Variants in TMEM161B observed in about 807,000 individuals in gnomAD.
TMEM161B encodes the protein transmembrane protein 161B.
TMEM161B carries 34 observed loss-of-function variants against 61.8 expected under a neutral mutation model. The ratio of observed to expected loss-of-function variants is 0.55; its 90% CI spans 0.42 to 0.73. The LOEUF is 0.73. Ranked by LOEUF, TMEM161B falls within the 30% of genes least tolerant of loss-of-function variation. TMEM161B has a pLI of 0.00. For missense variants in TMEM161B, 456 were observed against 558.5 expected, an observed-to-expected ratio of 0.82 and a Z score of 1.85; for synonymous variants, 167 against 192.8, an observed-to-expected ratio of 0.87 and a Z score of 1.11.
At chr5:88,215,979 A>T (rs1747748115) in intron 5 of TMEM161B, among the ~76,000 whole-genome samples, 1 of 152,250 alleles carries the variant, frequency 6.6e-6, no homozygotes, top group Non-Finnish European at 1.5e-5. Context: ...CAATACTGGC[A>T]GGGCACAAAG....
At chr5:88,249,226 A>G (rs1020025199) in intron 1 of TMEM161B, among the ~76,000 whole-genome samples, 1 of 152,110 alleles carries the variant, frequency 6.6e-6, no homozygotes, top group Non-Finnish European at 1.5e-5. Flanking sequence ...AAGAGGCAAA[A>G]TGTCTCATAA....
chr5:88,206,507 G>GT lies in TMEM161B; in HGVS notation c.599-9_599-8insA. On this transcript the variant is annotated splice_polypyrimidine_tract_variant and intron_variant, in intron 6 of 11. Transcript: ENST00000296595. ...CTGAAAAATTTGTAAACCCTGTGGG[G>GT]GAAAAAAAAAAAAACAACAGATTAC... 2.4e-6 allele frequency: 3 copies of GT among 1,246,590 alleles called. No homozygotes were observed. The highest frequency in any genetic ancestry group is 3.3e-6 in the Non-Finnish European group (3 of 921,288). 77.2% of individuals were successfully genotyped at this position (1,246,590 alleles called of 1,614,324 possible). A position where few individuals can be genotyped will look rare whatever the true frequency, so the allele number is the denominator to read the frequency against.
At chr5:88,225,692 T>C in intron 4 of TMEM161B, 77 bp downstream of exon 4, 1 of 888,118 alleles carries the variant, frequency 1.1e-6, no homozygotes, top group South Asian at 1.5e-5. Flanking sequence ...ATGGACTTAA[T>C]GATTAAAATG....
At position 88,228,544 on chromosome 5, in the gene TMEM161B, A is replaced by G. The variant is rs1750444486; in HGVS notation, c.108-16T>C. The G allele has an allele frequency of 6.5e-7, 1 of 1,545,576 alleles. No homozygotes were observed. The highest frequency in any genetic ancestry group is 2.0e-5 in the Admixed American group (1 of 50,966). On this transcript the variant is annotated splice_polypyrimidine_tract_variant and intron_variant, in intron 2 of 11. Coordinates refer to ENST00000296595, the MANE Select transcript of TMEM161B (RefSeq NM_153354.5). ...CCACCTCAAACTAAGCAAAAAAAGA[A>G]TTCTTTTAAATAAAGCGCTTAAAAT...
At chr5:88,198,599 G>A (rs906259047) in intron 10 of TMEM161B, 1 of 156,930 alleles carries the variant, frequency 6.4e-6, no homozygotes, top group Admixed American at 6.5e-5. Flanking sequence ...CAAGTAAATT[G>A]AGTAATATTA....
chr5:88,192,202 C>T (rs1343276995), downstream of TMEM161B, among the ~76,000 whole-genome samples: 1 of 150,436 alleles, frequency 6.6e-6, no homozygotes, highest in African/African-American at 2.4e-5. Flanking sequence ...GGAGAAAGAA[C>T]AGTAACCACA....
At chr5:88,225,095 G>T (rs112545684) in intron 4 of TMEM161B, among the ~76,000 whole-genome samples, 8 of 151,146 alleles carry the variant, frequency 5.3e-5, no homozygotes, top group African/African-American at 1.7e-4. Flanking sequence ...AGCTCCCTGA[G>T]TAGCTGGGAC....
chr5:88,189,733 A>G lies in TMEM161B; in HGVS notation c.*319T>C, dbSNP rs375316082. On this transcript the variant is annotated 3_prime_UTR_variant, in exon 13 of 13. Transcript: ENST00000514135. ...TGGGGAGTGCCTGGAAGTCCCCACA[A>G]TATGGGAGGGGGCCTATGATATAGT... 6.5e-5 allele frequency: 14 copies of G among 214,638 alleles called. No homozygotes were observed. The East Asian group carries it at 9.4e-4, about 14-fold the overall frequency. 13.3% of individuals were successfully genotyped at this position (214,638 alleles called of 1,614,324 possible).
intron 5 of TMEM161B, among the ~76,000 whole-genome samples, chr5:88,212,500 A>G (rs1364431611): frequency 6.6e-6 from 1 of 152,226 alleles, no homozygotes; most frequent in African/African-American, 2.4e-5. Context: ...CAGATTTAGA[A>G]TAACAACTTA....
intron 1 of TMEM161B, among the ~76,000 whole-genome samples, chr5:88,259,821 T>C (rs999232724): frequency 6.6e-6 from 1 of 152,224 alleles, no homozygotes; most frequent in Non-Finnish European, 1.5e-5. Context: ...AATTATGATT[T>C]CTATAGGAAA....
At chr5:88,257,227 C>A (rs1480539639) in intron 1 of TMEM161B, among the ~76,000 whole-genome samples, 1 of 152,120 alleles carries the variant, frequency 6.6e-6, no homozygotes, top group Non-Finnish European at 1.5e-5. Context: ...GATCACACCA[C>A]TCACTGCTCT....
chr5:88,201,835 A>G (rs561693127), intron 9 of TMEM161B: 65 of 162,290 alleles, frequency 4.0e-4, no homozygotes, highest in African/African-American at 1.2e-3. Context: ...TTCAGTGGCT[A>G]TTTCCTGGGT....
downstream of TMEM161B, among the ~76,000 whole-genome samples, chr5:88,191,567 A>G: frequency 6.6e-6 from 1 of 152,226 alleles, no homozygotes; most frequent in East Asian, 1.9e-4. Context: ...AAATAACAAT[A>G]AATGAATGCC....
chr5:88,196,222 T>C lies in TMEM161B; in HGVS notation c.1453A>G (p.Thr485Ala), dbSNP rs754841963. The change falls in exon 12 of 12, where the codon ACT becomes GCT. Residue 485 changes from threonine (T) to alanine (A), a missense_variant. Around this residue, in one of 3 missense-constraint regions of TMEM161B, gnomAD observed 367 missense variants for 427.3 expected, o/e 0.86. Transcript: ENST00000296595. ...TTGTTAACTGAGATTCATGCCACAG[T>C]CAGATACTGGTGATAGAAAAGCCCA... Reference protein sequence around the residue: ...LFGLFYHQYLTVA With the variant: ...LFGLFYHQYLAVA 1 of 1,610,378 alleles carries C rather than the reference T, an allele frequency of 6.2e-7. No individual in the cohort carries two copies. Among genetic ancestry groups the C allele is most frequent in the East Asian group, 2.2e-5 (1 of 44,802 alleles).
chr5:88,240,272 T>C (rs1041164528), intron 2 of TMEM161B, among the ~76,000 whole-genome samples: 22 of 151,914 alleles, frequency 1.4e-4, no homozygotes, highest in African/African-American at 5.3e-4. Context: ...AATATCTGTA[T>C]TATAATAAAT....
At chr5:88,216,363 T>C (rs972300235) in intron 5 of TMEM161B, among the ~76,000 whole-genome samples, 3 of 152,242 alleles carry the variant, frequency 2.0e-5, no homozygotes, top group Non-Finnish European at 4.4e-5. Context: ...ATATTTTTGA[T>C]GTGTTTTATA....
At chr5:88,257,365 T>C (rs1225640176) in intron 1 of TMEM161B, among the ~76,000 whole-genome samples, 1 of 152,182 alleles carries the variant, frequency 6.6e-6, no homozygotes, top group African/African-American at 2.4e-5. Context: ...AAAGCTTCAT[T>C]AAATAAATTT....
intron 5 of TMEM161B, among the ~76,000 whole-genome samples, chr5:88,219,120 T>C (rs1202332143): frequency 1.3e-5 from 2 of 152,152 alleles, no homozygotes; most frequent in Non-Finnish European, 2.9e-5. Flanking sequence ...CAAGATGAAA[T>C]TGACATATTA....
chr5:88,198,041 G>C, intron 10 of TMEM161B: 1 of 236,342 alleles, frequency 4.2e-6, no homozygotes, highest in East Asian at 8.6e-5. Context: ...TAATGACTAA[G>C]ATTCAAATGG....
Sources: gnomAD v4.1 joint callset for allele counts (sites outside exome capture counted in the v4.1 genomes callset) on GRCh38, gnomAD v4.1.1 for gene constraint, gnomAD v4.1.1 regional missense constraint, MANE v1.5 for transcripts, NCBI Gene and HGNC (gene_info 2026-07-23, HGNC 2026-07-21) for gene names.